Variants in PREX1 observed in about 807,000 individuals in gnomAD.
The protein encoded by PREX1 is phosphatidylinositol-3,4,5-trisphosphate dependent Rac exchange factor 1.
In PREX1, 41 loss-of-function variants were observed where a neutral mutation model predicts 198.3. The observed-to-expected ratio is 0.21, with a 90% CI of 0.16 to 0.27. The LOEUF (loss-of-function observed/expected upper bound fraction) is 0.27. PREX1 is among the 10% of genes least tolerant of loss of function. The probability of loss-of-function intolerance (pLI) is 1.00; values close to 1 mark genes in which losing one functional copy is unlikely to be tolerated. For missense variants in PREX1, 1,620 were observed against 2,200.7 expected (o/e 0.74, Z 5.28); for synonymous variants, 843 against 887.2 (o/e 0.95, Z 0.89).
intron 6 of PREX1, among the ~76,000 whole-genome samples, chr20:48,702,653 G>C (rs1015761838): frequency 1.3e-5 from 2 of 152,234 alleles, no homozygotes; most frequent in Non-Finnish European, 2.9e-5. Context: ...ATACACTGCA[G>C]CAGATGGTGG....
chr20:48,846,502 C>G, the PREX1 span, among the ~76,000 whole-genome samples: 19 of 152,108 alleles, frequency 1.2e-4, no homozygotes, highest in Non-Finnish European at 2.5e-4. Context: ...CTCACACAAC[C>G]ACTCCCCTTG....
chr20:48,884,334 G>A, the PREX1 span, among the ~76,000 whole-genome samples: 2 of 152,176 alleles, frequency 1.3e-5, no homozygotes, highest in Admixed American at 1.3e-4. Context: ...CATAAGGATA[G>A]ACAGATAAGT....
At chr20:48,777,354 G>A (rs1014556982) in intron 1 of PREX1, among the ~76,000 whole-genome samples, 4 of 152,092 alleles carry the variant, frequency 2.6e-5, no homozygotes, top group African/African-American at 7.2e-5. Context: ...GAAGGCTTTC[G>A]CTGGAATCCC....
chr20:48,835,717 A>C, the PREX1 span, among the ~76,000 whole-genome samples: 1 of 152,354 alleles, frequency 6.6e-6, no homozygotes, highest in African/African-American at 2.4e-5. Flanking sequence ...TGAGCCATAT[A>C]GTTGACCATA....
At chr20:48,820,624 G>A (rs2090480269) in intron 1 of PREX1, among the ~76,000 whole-genome samples, 2 of 152,308 alleles carry the variant, frequency 1.3e-5, no homozygotes, top group South Asian at 4.1e-4. Flanking sequence ...TTAGCCCAGT[G>A]GTTCTCAACT....
Position 48,712,981 on chromosome 20 carries a change from G to A in PREX1, c.622-4560C>T, listed in dbSNP as rs141655482. On this transcript the variant is annotated intron_variant, in intron 5 of 39. Transcript: ENST00000371941. Reference sequence around the variant, plus strand: ...TCTATTAAAAATACAAAAATTAGCCGGGCGTGGCGGCACGTGCCTGTAGTC... The same window carrying A: ...TCTATTAAAAATACAAAAATTAGCCAGGCGTGGCGGCACGTGCCTGTAGTC... Among the ~76,000 whole-genome samples, 1,341 of 152,086 alleles carry A rather than the reference G, an allele frequency of 8.8e-3. 20 individuals carry two copies. Among genetic ancestry groups the A allele is most frequent in the African/African-American group, 0.031 (1,281 of 41,466 alleles).
chr20:48,637,005 C>T (rs1241982546), intron 31 of PREX1, among the ~76,000 whole-genome samples: 1 of 152,272 alleles, frequency 6.6e-6, no homozygotes, highest in African/African-American at 2.4e-5. Context: ...TTTCTCCTCT[C>T]ATTATGGGAT....
At chr20:48,706,688 C>A (rs2089904614) in intron 6 of PREX1, among the ~76,000 whole-genome samples, 2 of 152,214 alleles carry the variant, frequency 1.3e-5, no homozygotes, top group South Asian at 2.1e-4. Flanking sequence ...AGAGCTCTGA[C>A]ATCACAAGGC....
intron 35 of PREX1, among the ~76,000 whole-genome samples, chr20:48,631,953 G>T (rs2089317529): frequency 6.6e-6 from 1 of 152,190 alleles, no homozygotes; most frequent in African/African-American, 2.4e-5. Flanking sequence ...TCTGTAGAAT[G>T]AAGCCGGCTC....
chr20:48,813,316 A>T (rs1050862399), intron 1 of PREX1, among the ~76,000 whole-genome samples: 1 of 152,244 alleles, frequency 6.6e-6, no homozygotes, highest in Admixed American at 6.5e-5. Context: ...GCATGAGCAC[A>T]TCTCAGTGGA....
the PREX1 span, among the ~76,000 whole-genome samples, chr20:48,841,204 G>A: frequency 1.3e-5 from 2 of 152,170 alleles, no homozygotes; most frequent in African/African-American, 4.8e-5. Flanking sequence ...TTACCGATGG[G>A]AGCCACTTCA....
intron 27 of PREX1, among the ~76,000 whole-genome samples, chr20:48,643,580 G>A (rs879739601): frequency 6.6e-6 from 1 of 152,144 alleles, no homozygotes; most frequent in Non-Finnish European, 1.5e-5. Context: ...GCATTCACAG[G>A]CCCCACCAAT....
chr20:48,805,229 C>T lies in PREX1; in HGVS notation c.219+22413G>A, dbSNP rs139578303. Among the ~76,000 whole-genome samples, 578 of 152,346 alleles carry T rather than the reference C, an allele frequency of 3.8e-3. 1 individual carries two copies. The highest frequency in any genetic ancestry group is 0.013 in the African/African-American group (524 of 41,570). On this transcript the variant is annotated intron_variant, in intron 1 of 39. Coordinates refer to ENST00000371941, the MANE Select transcript of PREX1 (RefSeq NM_020820.4). ...GCTTGCTATGGACAATGGAGTTTCA[C>T]ATCCACTGTTTAGCCTGCTCCAAAG... is the stretch of plus-strand genomic sequence containing the variant.
chr20:48,818,007 T>C (rs373537605), intron 1 of PREX1, among the ~76,000 whole-genome samples: 95 of 151,516 alleles, frequency 6.3e-4, no homozygotes, highest in African/African-American at 2.1e-3. Flanking sequence ...AATGGTGAGG[T>C]GGGGATGTGC....
intron 37 of PREX1, among the ~76,000 whole-genome samples, 153 bp downstream of exon 37, chr20:48,629,296 C>T (rs976801313): frequency 6.6e-6 from 1 of 152,186 alleles, no homozygotes; most frequent in Non-Finnish European, 1.5e-5. Flanking sequence ...CACAGACAGA[C>T]AAACTGAGGT....
At chr20:48,804,658 G>C (rs955511338) in intron 1 of PREX1, among the ~76,000 whole-genome samples, 5 of 152,194 alleles carry the variant, frequency 3.3e-5, no homozygotes, top group Admixed American at 2.6e-4. Flanking sequence ...CAGGGGCAAG[G>C]GTGGAAGCAT....
intron 39 of PREX1, 87 bp downstream of exon 39, chr20:48,627,461 G>A (rs1302173689): frequency 7.0e-7 from 1 of 1,432,558 alleles, no homozygotes; most frequent in Non-Finnish European, 9.8e-7. Context: ...TGAGCATTAG[G>A]GGTTAGGCCA....
Position 48,676,228 on chromosome 20 carries a change from G to A in PREX1, c.1630C>T (p.Pro544Ser). ...YHLKTYKSVLPGSKLVDWLLA... is the reference protein window; with the variant it reads ...YHLKTYKSVLSGSKLVDWLLA... The stretch of plus-strand genomic sequence containing the variant: ...AGCCAGTCCACCAGCTTGCTCCCGG[G>A]AAGCACTGACTTGTAGGTCTTCAGG... Residue 544 changes from proline (P) to serine (S), a missense_variant, in exon 14 of 40, where the codon CCC (proline) becomes TCC (serine). Around this residue, in one of 7 missense-constraint regions of PREX1, gnomAD observed 488 missense variants for 802.5 expected, o/e 0.61. Transcript: ENST00000371941. The A allele has an allele frequency of 6.2e-7, 1 of 1,614,106 alleles. No homozygotes were observed. The highest frequency in any genetic ancestry group is 8.5e-7 in the Non-Finnish European group (1 of 1,179,996).
chr20:48,765,670 A>G (rs1265299935), intron 1 of PREX1, among the ~76,000 whole-genome samples: 3 of 152,220 alleles, frequency 2.0e-5, no homozygotes, highest in Non-Finnish European at 2.9e-5. Flanking sequence ...CAGGGGCTTC[A>G]GAGCCAAGTC....
Sources: allele counts gnomAD v4.1 joint callset (sites outside exome capture counted in the v4.1 genomes callset), GRCh38; gene constraint gnomAD v4.1.1; regional missense constraint gnomAD v4.1.1; transcripts MANE v1.5; gene names NCBI Gene and HGNC (gene_info 2026-07-23, HGNC 2026-07-21).